TCF4: variants seen among roughly 807,000 people sequenced by gnomAD.
TCF4 encodes the protein SL3-3 enhancer factor 2.
In TCF4, 3 loss-of-function variants were observed where a neutral mutation model predicts 82.1. The observed-to-expected ratio is 0.04, with a 90% CI of 0.02 to 0.09. The LOEUF is 0.09. TCF4 is among the 10% of genes least tolerant of loss of function. TCF4 has a pLI of 1.00. For synonymous variants in TCF4, 276 were observed against 309.6 expected (o/e 0.89, Z 1.14); for missense variants, 518 against 852.7 (o/e 0.61, Z 4.89).
intron 8 of TCF4, among the ~76,000 whole-genome samples, chr18:55,295,069 AG>A (rs2066138711): frequency 1.3e-5 from 2 of 152,190 alleles, no homozygotes. Flanking sequence ...CTGACTTATA[AG>A]GAGGCACAAT....
intron 6 of TCF4, among the ~76,000 whole-genome samples, chr18:55,383,405 T>C (rs1401086967): frequency 6.6e-6 from 1 of 152,184 alleles, no homozygotes. Context: ...TTCCTCCTGA[T>C]AAACCTAGGA....
chr18:55,576,634 A>C (rs1355454365), intron 3 of TCF4, among the ~76,000 whole-genome samples: 6 of 152,134 alleles, frequency 3.9e-5, no homozygotes, highest in Non-Finnish European at 8.8e-5. Context: ...TCAAAATTCT[A>C]CCATTCCTTC....
intron 3 of TCF4, among the ~76,000 whole-genome samples, chr18:55,570,425 A>G (rs1271739160): frequency 6.6e-6 from 1 of 152,184 alleles, no homozygotes; most frequent in East Asian, 1.9e-4. Context: ...ATGACTAATA[A>G]TTATCATCCA....
chr18:55,546,181 T>A (rs937116180), intron 3 of TCF4, among the ~76,000 whole-genome samples: 9 of 151,898 alleles, frequency 5.9e-5, no homozygotes, highest in East Asian at 5.8e-4. Context: ...ACAAAAAAAA[T>A]TTTTTAAATC....
chr18:55,468,239 A>C (rs1291631041), intron 3 of TCF4, among the ~76,000 whole-genome samples: 2 of 152,248 alleles, frequency 1.3e-5, no homozygotes, highest in African/African-American at 4.8e-5. Flanking sequence ...CAGAGGTATG[A>C]TGAGTTTATC....
At chr18:55,545,438 TTTTTG>T (rs2097197919) in intron 3 of TCF4, among the ~76,000 whole-genome samples, 1 of 152,204 alleles carries the variant, frequency 6.6e-6, no homozygotes, top group African/African-American at 2.4e-5. Context: ...TCTGGGGTTT[TTTTTG>T]TTTTGTTTTG....
At chr18:55,438,949 A>G (rs2095386022) in intron 5 of TCF4, among the ~76,000 whole-genome samples, 1 of 152,228 alleles carries the variant, frequency 6.6e-6, no homozygotes, top group Non-Finnish European at 1.5e-5. Flanking sequence ...AGGTGTTTTT[A>G]GTAAGCCCAG....
chr18:55,624,939 C>T (rs901550212), intron 2 of TCF4, among the ~76,000 whole-genome samples: 2 of 152,176 alleles, frequency 1.3e-5, no homozygotes, highest in South Asian at 4.1e-4. Context: ...TACCAGTCCT[C>T]ACTCAATAAT....
intron 2 of TCF4, among the ~76,000 whole-genome samples, chr18:55,628,075 C>G (rs577136479): frequency 3.3e-5 from 5 of 151,946 alleles, no homozygotes; most frequent in African/African-American, 9.6e-5. Context: ...AACAAACAAA[C>G]AAAGAACAGC....
upstream of TCF4, chr18:55,589,568 A>T (rs1281289055): frequency 1.9e-6 from 2 of 1,039,228 alleles, no homozygotes; most frequent in East Asian, 1.1e-4. Context: ...CTTATTGTTT[A>T]TAAAAAAAAA....
chr18:55,326,784 A>C (rs2076640699), intron 8 of TCF4, among the ~76,000 whole-genome samples: 1 of 152,214 alleles, frequency 6.6e-6, no homozygotes, highest in Non-Finnish European at 1.5e-5. Context: ...CCTAACAAAA[A>C]ATTTAATTCA....
At chr18:55,392,782 C>T (rs1037056052) in intron 6 of TCF4, among the ~76,000 whole-genome samples, 18 of 152,046 alleles carry the variant, frequency 1.2e-4, no homozygotes, top group African/African-American at 3.6e-4. Context: ...TATATATAGA[C>T]ATACATAATT....
At chr18:55,345,758 T>C (rs1569112250) in intron 8 of TCF4, among the ~76,000 whole-genome samples, 1 of 152,314 alleles carries the variant, frequency 6.6e-6, no homozygotes, top group East Asian at 1.9e-4. Context: ...AGATGGCTGA[T>C]ATTTCGTTCA....
At chr18:55,296,577 C>CT (rs538208407) in intron 8 of TCF4, among the ~76,000 whole-genome samples, 50 of 152,214 alleles carry the variant, frequency 3.3e-4, no homozygotes, top group African/African-American at 1.1e-3. Flanking sequence ...TTTTTGGCTT[C>CT]AATTTAATAG....
At chr18:55,287,267 A>T (rs2063903251) in intron 8 of TCF4, among the ~76,000 whole-genome samples, 1 of 152,232 alleles carries the variant, frequency 6.6e-6, no homozygotes, top group Admixed American at 6.5e-5. Context: ...TAATATATTT[A>T]GAACACAAAC....
At chr18:55,578,454 G>C (rs905147339) in intron 3 of TCF4, among the ~76,000 whole-genome samples, 1 of 152,002 alleles carries the variant, frequency 6.6e-6, no homozygotes, top group African/African-American at 2.4e-5. Context: ...CTAAAAAATA[G>C]AGCATCTCTA....
chr18:55,486,458 G>A lies in TCF4; in HGVS notation c.146-22321C>T, dbSNP rs540638540. On this transcript the variant is annotated intron_variant, in intron 3 of 19. Coordinates refer to ENST00000354452, the MANE Select transcript of TCF4 (RefSeq NM_001083962.2). Reference sequence around the variant, plus strand: ...AATACAAAAATTAGCCGGGCGTGGTGGCGCACACCTGTAATCCCAGCCACT... The same window carrying A: ...AATACAAAAATTAGCCGGGCGTGGTAGCGCACACCTGTAATCCCAGCCACT... 2.4e-4 allele frequency among the ~76,000 whole-genome samples: 36 copies of A among 152,242 alleles called. No homozygotes were observed. In the East Asian group the frequency reaches 6.6e-3, roughly 28 times the overall value.
At position 55,520,938 on chromosome 18, in the gene TCF4, CAG is replaced by C. The variant is rs199977477; in HGVS notation, c.146-56803_146-56802del. Among the ~76,000 whole-genome samples, 1,410 of 152,244 alleles carry C rather than the reference CAG, an allele frequency of 9.3e-3. 14 individuals are homozygous for C. Among genetic ancestry groups the C allele is most frequent in the Non-Finnish European group, 0.014 (936 of 68,016 alleles). ...TTCTTTCAGCCTATTCGTCGCAATT[CAG>C]AGTCTAATTATCCAGTTTGTGAAAT... On this transcript the variant is annotated intron_variant, in intron 3 of 19. Coordinates refer to ENST00000354452, the MANE Select transcript of TCF4 (RefSeq NM_001083962.2).
intron 5 of TCF4, among the ~76,000 whole-genome samples, chr18:55,405,414 A>T (rs1454487744): frequency 1.3e-5 from 2 of 152,234 alleles, no homozygotes; most frequent in Non-Finnish European, 2.9e-5. Context: ...TGACTTCCTA[A>T]GAAACTGAAC....
Sources: gnomAD v4.1 joint callset for allele counts (sites outside exome capture counted in the v4.1 genomes callset) on GRCh38, gnomAD v4.1.1 for gene constraint, MANE v1.5 for transcripts, NCBI Gene and HGNC (gene_info 2026-07-23, HGNC 2026-07-21) for gene names.